The following CNTN5 variants were observed in gnomAD, a reference collection of about 807,000 sequenced individuals.
CNTN5 encodes the protein contactin 5, also known as contactin-5.
In CNTN5, 77 loss-of-function variants were observed where a neutral mutation model predicts 129.1. That is an observed-to-expected ratio of 0.60 (90% CI 0.50 to 0.72). CNTN5 has a LOEUF of 0.72. CNTN5 is among the 30% of genes least tolerant of loss of function. CNTN5 has a pLI of 0.00. For missense variants in CNTN5, 1,478 were observed against 1,328.8 expected, an observed-to-expected ratio of 1.11 and a Z score of -1.75; for synonymous variants, 509 against 465.6, an observed-to-expected ratio of 1.09 and a Z score of -1.20.
intron 2 of CNTN5, among the ~76,000 whole-genome samples, chr11:99,377,061 C>T (rs1405594480): frequency 1.3e-5 from 2 of 151,998 alleles, no homozygotes; most frequent in Admixed American, 6.6e-5. Context: ...TTGGGAGGGT[C>T]TGTTTTGGAT....
intron 1 of CNTN5, among the ~76,000 whole-genome samples, chr11:99,085,204 C>G (rs540662536): frequency 1.3e-5 from 2 of 151,992 alleles, no homozygotes; most frequent in African/African-American, 4.8e-5. Context: ...ACCCCCACGC[C>G]CAGCTAATTT....
At chr11:99,753,666 AAAAC>A (rs1944312251) in intron 3 of CNTN5, among the ~76,000 whole-genome samples, 1 of 140,890 alleles carries the variant, frequency 7.1e-6, no homozygotes, top group Non-Finnish European at 1.5e-5. Flanking sequence ...AAAAAAAAAA[AAAAC>A]AGGTAAAAAG....
At chr11:99,967,934 A>T (rs1951138689) in intron 8 of CNTN5, among the ~76,000 whole-genome samples, 1 of 152,192 alleles carries the variant, frequency 6.6e-6, no homozygotes, top group South Asian at 2.1e-4. Flanking sequence ...GCACTGTTTT[A>T]AAAATGGTAC....
intron 3 of CNTN5, among the ~76,000 whole-genome samples, chr11:99,695,554 A>G (rs1233077111): frequency 2.6e-5 from 4 of 151,986 alleles, no homozygotes. Context: ...TCTTATAGAA[A>G]TCCATTAGAT....
chr11:99,306,943 A>C (rs1864904967), intron 1 of CNTN5, among the ~76,000 whole-genome samples: 1 of 152,102 alleles, frequency 6.6e-6, no homozygotes, highest in Non-Finnish European at 1.5e-5. Context: ...TATTAAGGCA[A>C]AACATCTTCC....
intron 21 of CNTN5, among the ~76,000 whole-genome samples, chr11:100,328,923 T>G (rs1030051510): frequency 6.6e-5 from 10 of 152,070 alleles, no homozygotes; most frequent in African/African-American, 2.4e-4. Flanking sequence ...GCCAAGAGAA[T>G]CCACAGTCCC....
intron 1 of CNTN5, among the ~76,000 whole-genome samples, chr11:99,211,147 T>C (rs996475879): frequency 6.6e-6 from 1 of 152,090 alleles, no homozygotes; most frequent in Non-Finnish European, 1.5e-5. Context: ...TCGTAAAATG[T>C]CCCTTTTTAT....
At chr11:100,323,846 T>A (rs534293943) in intron 21 of CNTN5, among the ~76,000 whole-genome samples, 1 of 152,294 alleles carries the variant, frequency 6.6e-6, no homozygotes, top group African/African-American at 2.4e-5. Flanking sequence ...GGATATTCAC[T>A]GACTTTTGGC....
At chr11:99,694,788 C>A (rs1954196620) in intron 3 of CNTN5, among the ~76,000 whole-genome samples, 1 of 151,874 alleles carries the variant, frequency 6.6e-6, no homozygotes, top group Non-Finnish European at 1.5e-5. Context: ...GTTTTCTGTT[C>A]CTGAGGTACC....
intron 2 of CNTN5, among the ~76,000 whole-genome samples, chr11:99,353,110 C>G (rs1938411708): frequency 1.3e-5 from 2 of 152,128 alleles, no homozygotes; most frequent in African/African-American, 4.8e-5. Flanking sequence ...TAAGCCCTTT[C>G]AGACAGGGAA....
At chr11:99,477,637 T>TA (rs1945426477) in intron 2 of CNTN5, among the ~76,000 whole-genome samples, 1 of 151,554 alleles carries the variant, frequency 6.6e-6, no homozygotes, top group Non-Finnish European at 1.5e-5. Context: ...TTAACAAAAA[T>TA]AAAAATAATA....
intron 23 of CNTN5, among the ~76,000 whole-genome samples, chr11:100,349,308 A>G (rs1413791055): frequency 1.3e-5 from 2 of 151,940 alleles, no homozygotes; most frequent in African/African-American, 4.8e-5. Flanking sequence ...GTAAGAAAAT[A>G]TATGTCAATA....
intron 3 of CNTN5, among the ~76,000 whole-genome samples, chr11:99,788,513 A>G (rs998885119): frequency 1.2e-4 from 18 of 151,970 alleles, no homozygotes; most frequent in African/African-American, 4.3e-4. Flanking sequence ...GTAATGAGAA[A>G]TGATGAAAAA....
chr11:100,276,093 C>T (rs1950504234), intron 18 of CNTN5, among the ~76,000 whole-genome samples: 1 of 152,120 alleles, frequency 6.6e-6, no homozygotes, highest in South Asian at 2.1e-4. Context: ...AGTGGTATGC[C>T]TCTTTAAGGT....
intron 2 of CNTN5, among the ~76,000 whole-genome samples, chr11:99,476,253 G>A (rs1334449591): frequency 3.3e-5 from 5 of 152,040 alleles, no homozygotes; most frequent in Middle Eastern, 3.4e-3. Context: ...TCATATATGT[G>A]TTTATCAATC....
intron 18 of CNTN5, 52 bp from the exon 19 acceptor site, chr11:100,297,573 A>C (rs1248579410): frequency 4.0e-6 from 5 of 1,251,958 alleles, no homozygotes; most frequent in Non-Finnish European, 5.5e-6. Context: ...ATTTTATCCA[A>C]CGTAGGTTGG....
intron 3 of CNTN5, among the ~76,000 whole-genome samples, chr11:99,771,837 T>G (rs2028468): frequency 6.6e-6 from 1 of 151,986 alleles, no homozygotes; most frequent in Non-Finnish European, 1.5e-5. Context: ...GTGATAGATA[T>G]ACATTGAGTA....
intron 9 of CNTN5, among the ~76,000 whole-genome samples, chr11:100,003,148 A>G (rs950242420): frequency 6.6e-6 from 1 of 152,172 alleles, no homozygotes; most frequent in Non-Finnish European, 1.5e-5. Flanking sequence ...AAAATAAGAC[A>G]TATATGCAAT....
chr11:100,337,029 G>T (rs1952052460), intron 21 of CNTN5: 1 of 908,900 alleles, frequency 1.1e-6, no homozygotes, highest in Admixed American at 1.7e-5. Context: ...CTGCCACTTT[G>T]ATTGATGAAG....
Sources: allele counts gnomAD v4.1 joint callset (sites outside exome capture counted in the v4.1 genomes callset), GRCh38; gene constraint gnomAD v4.1.1; transcripts MANE v1.5; gene names NCBI Gene and HGNC (gene_info 2026-07-23, HGNC 2026-07-21).